Variants in MAST1 observed in about 807,000 individuals in gnomAD.
MAST1 encodes microtubule-associated serine/threonine-protein kinase 1.
Under a neutral mutation model 124.6 loss-of-function variants are expected in MAST1, and 40 were observed. The observed-to-expected ratio is 0.32, with a 90% CI of 0.25 to 0.42. MAST1 has a LOEUF of 0.42. MAST1 is among the 10% of genes least tolerant of loss of function. The pLI, the probability that MAST1 is intolerant of heterozygous loss-of-function variation, is 1.00. For synonymous variants in MAST1, 938 were observed against 939.4 expected, an observed-to-expected ratio of 1.00 and a Z score of 0.03; for missense variants, 1,558 against 2,181.9, an observed-to-expected ratio of 0.71 and a Z score of 5.70.
intron 12 of MAST1, among the ~76,000 whole-genome samples, chr19:12,859,182 C>T (rs1270241740): frequency 5.3e-5 from 8 of 152,058 alleles, no homozygotes; most frequent in Non-Finnish European, 1.2e-4. Context: ...CAGGCTCAAG[C>T]GATTCTTATG....
chr19:12,846,900 C>T (rs1440172664), intron 4 of MAST1, among the ~76,000 whole-genome samples: 3 of 139,230 alleles, frequency 2.2e-5, no homozygotes, highest in Non-Finnish European at 4.6e-5. Context: ...AAAAAGAAGG[C>T]CACTGTAGCT....
At chr19:12,856,780 C>T (rs777175061) in intron 10 of MAST1, among the ~76,000 whole-genome samples, 8 of 152,130 alleles carry the variant, frequency 5.3e-5, no homozygotes, top group Non-Finnish European at 8.8e-5. Context: ...GCTAATTTAA[C>T]GTATGGATTA....
At position 12,864,805 on chromosome 19, in the gene MAST1, G is replaced by T; in HGVS notation, c.1367-4G>T. 1 of 1,613,640 alleles carries T rather than the reference G, an allele frequency of 6.2e-7. No homozygotes were observed. Among genetic ancestry groups the T allele is most frequent in the Non-Finnish European group, 8.5e-7 (1 of 1,179,998 alleles). On this transcript the variant is annotated splice_region_variant and splice_polypyrimidine_tract_variant and intron_variant, in intron 12 of 25. Transcript: ENST00000251472. ...TTTATGCGGGCCCATTTCCTGGCCT[G>T]CAGGCGGCGACTGTGCCACCCTGCT...
intron 7 of MAST1, among the ~76,000 whole-genome samples, chr19:12,850,230 A>G: frequency 6.6e-6 from 1 of 152,214 alleles, no homozygotes; most frequent in East Asian, 1.9e-4. Context: ...GAGACAGAAG[A>G]TAAACAATAG....
At position 12,874,356 on chromosome 19, in the gene MAST1, C is replaced by T. The variant is rs1333446382; in HGVS notation, c.4199C>T (p.Thr1400Ile). Residue 1400 changes from threonine to isoleucine, a missense_variant, in exon 26 of 26, where the codon ACT (threonine) becomes ATT (isoleucine). By Grantham distance (89) the Thr-to-Ile change is moderately conservative. This residue lies in a region of MAST1 where 263 missense variants were observed against 310.9 expected (regional missense o/e 0.85). Coordinates refer to ENST00000251472, the MANE Select transcript of MAST1 (RefSeq NM_014975.3). This position sits in a 1 kb window ranked among gnomAD's most constrained non-coding sequence, Gnocchi z 6.6. ...CAGAGCGTGCAGACGGAGGATGGCA[C>T]TGGCGGGATGGCCAGGGCTGTGGCC... The part of the protein sequence containing the change: ...RHQSVQTEDG[T>I]GGMARAVAKA... 6.3e-7 allele frequency: 1 copy of T among 1,597,872 alleles called. No homozygotes were observed. Among genetic ancestry groups the T allele is most frequent in the Admixed American group, 1.7e-5 (1 of 59,884 alleles).
intron 25 of MAST1, 28 bp from the exon 26 acceptor site, chr19:12,873,581 C>CA (rs898700459): frequency 6.3e-7 from 1 of 1,578,328 alleles, no homozygotes; most frequent in Non-Finnish European, 8.6e-7. Flanking sequence ...GGGCTGTACT[C>CA]ACTCGCTTCA....
chr19:12,840,236 T>G (rs1452659813), intron 1 of MAST1, among the ~76,000 whole-genome samples: 1 of 152,174 alleles, frequency 6.6e-6, no homozygotes, highest in Non-Finnish European at 1.5e-5. Context: ...TACTGAGAGT[T>G]TCTCACACAC....
Position 12,841,109 on chromosome 19 carries a change from C to T in MAST1, c.248+43C>T, listed in dbSNP as rs771066342. ...AGGGCCCCAGAACCCTGGGCAGACC[C>T]TCCCCAACCACTGTCTGGGCCGCCA... is the stretch of plus-strand genomic sequence containing the variant. On this transcript the variant is annotated intron_variant, in intron 3 of 25. Transcript: ENST00000251472. This position sits in a 1 kb window ranked among gnomAD's most constrained non-coding sequence, Gnocchi z 4.3. 6 of 915,220 alleles carry T rather than the reference C, an allele frequency of 6.6e-6. No homozygotes were observed. In the South Asian group the frequency reaches 6.7e-5, roughly 10 times the overall value. The allele number at this position is 915,220 out of a possible 1,614,324, so 56.7% of individuals were successfully genotyped here. A position where few individuals can be genotyped will look rare whatever the true frequency, so the allele number is the denominator to read the frequency against.
intron 12 of MAST1, among the ~76,000 whole-genome samples, chr19:12,859,731 T>C (rs934938905): frequency 6.6e-6 from 1 of 151,552 alleles, no homozygotes; most frequent in Non-Finnish European, 1.5e-5. Context: ...GAAGCAGAGG[T>C]TGCAGTAAGC....
chr19:12,842,379 G>A lies in MAST1; in HGVS notation c.249-1150G>A, dbSNP rs887364672. On this transcript the variant is annotated intron_variant, in intron 3 of 25. Transcript: ENST00000251472. ...GGGATCTCGGCTCACTGCAATTTCC[G>A]CCTTCTGGGTTCAAGCGATTCTCCT... Among the ~76,000 whole-genome samples, 11 of 151,358 alleles carry A rather than the reference G, an allele frequency of 7.3e-5. No individual in the cohort carries two copies. In the East Asian group the frequency reaches 1.9e-3, roughly 27 times the overall value.
intron 12 of MAST1, among the ~76,000 whole-genome samples, chr19:12,861,186 T>A (rs1970078189): frequency 1.3e-5 from 2 of 152,140 alleles, no homozygotes; most frequent in South Asian, 4.1e-4. Flanking sequence ...CTCAGCCTCC[T>A]GAGTAGCTGG....
intron 4 of MAST1, among the ~76,000 whole-genome samples, chr19:12,845,341 G>C (rs943338125): frequency 6.8e-6 from 1 of 147,628 alleles, no homozygotes; most frequent in Non-Finnish European, 1.5e-5. Context: ...ACGGGAGGTT[G>C]AGGTGGGAGG....
intron 10 of MAST1, 33 bp downstream of exon 10, chr19:12,852,428 G>A (rs1468447106): frequency 2.5e-6 from 4 of 1,607,182 alleles, no homozygotes; most frequent in Non-Finnish European, 3.4e-6. Context: ...TCAGTACCCT[G>A]GTTCCTGGGA....
At chr19:12,871,913 C>CAAAAAAAAAAAAAAAAAAAAAAAA (rs34674708) in intron 24 of MAST1, among the ~76,000 whole-genome samples, 1 of 61,042 alleles carries the variant, frequency 1.6e-5, no homozygotes, top group Non-Finnish European at 3.1e-5. Context: ...TAGACTCTTT[C>CAAAAAAAAAAAAAAAAAAAAAAAA]AAAAAAAAAA....
chr19:12,871,335 G>A (rs942648854), intron 24 of MAST1, among the ~76,000 whole-genome samples, 163 bp downstream of exon 24: 1 of 152,142 alleles, frequency 6.6e-6, no homozygotes, highest in Admixed American at 6.5e-5. Context: ...CGGGCTGGGC[G>A]CGGTGGCTCA....
chr19:12,874,877 G>A lies in MAST1; in HGVS notation c.*7G>A, dbSNP rs1288300726. The A allele has an allele frequency of 1.3e-6, 2 of 1,593,352 alleles. No individual in the cohort carries two copies. The highest frequency in any genetic ancestry group is 1.1e-5 in the South Asian group (1 of 89,150). ...CGCACCCCCGGGACCATAGCCAAGG[G>A]GGTCATCGGCCCCGCGCTGTACAGC... On this transcript the variant is annotated 3_prime_UTR_variant, in exon 26 of 26. Transcript: ENST00000251472. This position sits in a 1 kb window ranked among gnomAD's most constrained non-coding sequence, Gnocchi z 6.6.
chr19:12,858,801 G>T (rs574690231), intron 12 of MAST1, 62 bp downstream of exon 12: 10 of 1,561,506 alleles, frequency 6.4e-6, no homozygotes, highest in Admixed American at 1.7e-5. Flanking sequence ...GGGCTGCGGG[G>T]TGGCCTGCCT....
At chr19:12,852,300 C>T (rs1376513983) in intron 9 of MAST1, 28 bp from the exon 10 acceptor site, 2 of 1,614,146 alleles carry the variant, frequency 1.2e-6, no homozygotes, top group Admixed American at 1.7e-5. Context: ...CAGAACCCAG[C>T]TCGTGCTCAC....
In MAST1 at chr19:12,865,243, G is replaced by A. The variant is rs1970137856; in HGVS notation, c.1638+65G>A. The A allele has an allele frequency of 2.5e-6, 4 of 1,589,484 alleles. No individual in the cohort carries two copies. Among genetic ancestry groups the A allele is most frequent in the Non-Finnish European group, 3.4e-6 (4 of 1,166,782 alleles). ...CCCTGCAGGACCTCGGGAACCCAGG[G>A]CCTGGTGGGGGGCACAGCTCTCCCT... On this transcript the variant is annotated intron_variant, in intron 14 of 25. Coordinates refer to ENST00000251472, the MANE Select transcript of MAST1 (RefSeq NM_014975.3). This position sits in a 1 kb window ranked among gnomAD's most constrained non-coding sequence, Gnocchi z 7.1.
Sources: gnomAD v4.1 joint callset for allele counts (sites outside exome capture counted in the v4.1 genomes callset) on GRCh38, gnomAD v4.1.1 for gene constraint, gnomAD v4.1.1 regional missense constraint, Gnocchi (gnomAD v3.1) non-coding constraint, MANE v1.5 for transcripts, NCBI Gene and HGNC (gene_info 2026-07-23, HGNC 2026-07-21) for gene names.